SLC24A2: variants seen among roughly 807,000 people sequenced by gnomAD.
The protein encoded by SLC24A2 is solute carrier family 24 member 2.
A neutral mutation model predicts 62.0 loss-of-function variants in SLC24A2; 36 were observed. The observed-to-expected ratio is 0.58, with a 90% confidence interval of 0.44 to 0.77. SLC24A2 has a LOEUF of 0.77. Among genes scored for constraint, SLC24A2 ranks in the 30% least tolerant of loss-of-function variants. SLC24A2 has a pLI of 0.00. For synonymous variants in SLC24A2, 358 were observed against 294.0 expected (o/e 1.22, Z -2.23); for missense variants, 846 against 817.9 (o/e 1.03, Z -0.42).
chr9:19,847,935 G>A, the SLC24A2 span, among the ~76,000 whole-genome samples: 3 of 152,154 alleles, frequency 2.0e-5, no homozygotes, highest in Admixed American at 1.3e-4. Context: ...TCTCAGCCTC[G>A]GATGGCGGCA....
At chr9:19,775,980 T>C (rs373366424) in intron 2 of SLC24A2, among the ~76,000 whole-genome samples, 2 of 152,226 alleles carry the variant, frequency 1.3e-5, no homozygotes, top group Admixed American at 1.3e-4. Context: ...TTTTAGAAAG[T>C]TGACACCAGT....
At chr9:20,081,769 T>C in the SLC24A2 span, among the ~76,000 whole-genome samples, 1 of 152,192 alleles carries the variant, frequency 6.6e-6, no homozygotes, top group Non-Finnish European at 1.5e-5. Context: ...TTTTAATCAT[T>C]ACTGGCCTAT....
Position 19,528,119 on chromosome 9 carries a change from G to C in SLC24A2, c.1499C>G (p.Pro500Arg). The C allele has an allele frequency of 6.3e-7, 1 of 1,592,466 alleles. No homozygotes were observed. The highest frequency in any genetic ancestry group is 8.6e-7 in the Non-Finnish European group (1 of 1,168,254). The change falls in exon 9 of 11, where the codon CCC (proline) becomes CGC (arginine). Residue 500 changes from proline (P) to arginine (R), a missense_variant. By Grantham distance (103) the Pro-to-Arg change is moderately radical. Coordinates refer to ENST00000341998, the MANE Select transcript of SLC24A2 (RefSeq NM_020344.4). ...GGTAATGGAGCCAAAGAACGTGATG[G>C]GAAAAAACTTCCTCGATGACTGAAA... The part of the protein sequence containing the change: ...VRKPSSRKFF[P>R]ITFFGSITWI...
chr9:19,809,580 G>A, the SLC24A2 span, among the ~76,000 whole-genome samples: 18 of 152,132 alleles, frequency 1.2e-4, no homozygotes, highest in African/African-American at 4.3e-4. Flanking sequence ...CTGCAGTTGT[G>A]CCAATCATGT....
chr9:20,099,512 C>T, the SLC24A2 span, among the ~76,000 whole-genome samples: 4 of 152,124 alleles, frequency 2.6e-5, no homozygotes, highest in Admixed American at 2.6e-4. Flanking sequence ...AATCCCTGAG[C>T]TCTTCCTTCA....
chr9:20,082,975 A>G, the SLC24A2 span, among the ~76,000 whole-genome samples: 2 of 152,318 alleles, frequency 1.3e-5, no homozygotes, highest in African/African-American at 4.8e-5. Flanking sequence ...CACACAGGCA[A>G]TGTGCCTTTT....
the SLC24A2 span, among the ~76,000 whole-genome samples, chr9:20,304,940 C>T: frequency 4.6e-5 from 7 of 151,548 alleles, no homozygotes; most frequent in Admixed American, 4.6e-4. Context: ...GTCCACCAGC[C>T]CACAATGAGT....
chr9:19,793,567 C>T (rs1331680986), upstream of SLC24A2, among the ~76,000 whole-genome samples: 2 of 152,230 alleles, frequency 1.3e-5, no homozygotes, highest in African/African-American at 2.4e-5. Context: ...TGATATGTTA[C>T]ACACCTACCA....
At chr9:20,293,308 AGG>A in the SLC24A2 span, among the ~76,000 whole-genome samples, 1 of 152,234 alleles carries the variant, frequency 6.6e-6, no homozygotes, top group East Asian at 1.9e-4. Flanking sequence ...TCTCCCAGAA[AGG>A]TAGGGTTGGC....
At chr9:20,081,395 G>A in the SLC24A2 span, among the ~76,000 whole-genome samples, 22 of 146,270 alleles carry the variant, frequency 1.5e-4, no homozygotes, top group African/African-American at 2.5e-4. Context: ...ACCAAACACC[G>A]CATGTTCTCA....
chr9:19,924,296 A>G, the SLC24A2 span, among the ~76,000 whole-genome samples: 1 of 152,112 alleles, frequency 6.6e-6, no homozygotes, highest in Non-Finnish European at 1.5e-5. Flanking sequence ...TGGTTGTGCA[A>G]TTTCAGATGT....
the SLC24A2 span, among the ~76,000 whole-genome samples, chr9:19,809,156 T>C: frequency 1.1e-4 from 17 of 152,356 alleles, no homozygotes; most frequent in Non-Finnish European, 2.2e-4. Flanking sequence ...ATTTTTTTTA[T>C]ACGTCCACAG....
At chr9:20,001,524 T>C in the SLC24A2 span, among the ~76,000 whole-genome samples, 1 of 152,164 alleles carries the variant, frequency 6.6e-6, no homozygotes, top group South Asian at 2.1e-4. Flanking sequence ...CCCTGCCTTT[T>C]TTGGGTAAAT....
intron 2 of SLC24A2, among the ~76,000 whole-genome samples, chr9:19,768,257 C>G (rs1190010713): frequency 1.3e-5 from 2 of 152,258 alleles, no homozygotes; most frequent in Admixed American, 1.3e-4. Context: ...TTTGTTCATC[C>G]TCCCTTACAA....
chr9:19,826,535 G>C, the SLC24A2 span, among the ~76,000 whole-genome samples: 2 of 152,186 alleles, frequency 1.3e-5, no homozygotes, highest in Non-Finnish European at 2.9e-5. Context: ...AAAAGTCCAA[G>C]ATCAAGATGC....
At chr9:19,811,741 CT>C in the SLC24A2 span, among the ~76,000 whole-genome samples, 1 of 152,066 alleles carries the variant, frequency 6.6e-6, no homozygotes, top group Non-Finnish European at 1.5e-5. Flanking sequence ...ACTTTAGATA[CT>C]TTTAACTTAA....
chr9:20,279,421 C>T, the SLC24A2 span, among the ~76,000 whole-genome samples: 3 of 152,176 alleles, frequency 2.0e-5, no homozygotes, highest in Non-Finnish European at 4.4e-5. Flanking sequence ...ATCCCAGCTA[C>T]TCAGAAGGCT....
chr9:20,268,773 A>C, the SLC24A2 span, among the ~76,000 whole-genome samples: 2 of 152,198 alleles, frequency 1.3e-5, no homozygotes, highest in Non-Finnish European at 2.9e-5. Flanking sequence ...TCCAGGGCCT[A>C]TTTGAATATA....
chr9:19,947,808 AAAAGAAAGAAAGAAAG>A, the SLC24A2 span, among the ~76,000 whole-genome samples: 5,091 of 59,298 alleles, frequency 0.086, 248 homozygotes, highest in South Asian at 0.14. Context: ...AAAAAAAAAA[AAAAGAAAGAAAGAAAG>A]AAAGAAAGAA....
Sources: allele counts gnomAD v4.1 joint callset (sites outside exome capture counted in the v4.1 genomes callset), GRCh38; gene constraint gnomAD v4.1.1; transcripts MANE v1.5; gene names NCBI Gene and HGNC (gene_info 2026-07-23, HGNC 2026-07-21).